CNGB3: variants seen among roughly 807,000 people sequenced by gnomAD.
CNGB3 encodes the protein cyclic nucleotide-gated channel beta-3.
Under a neutral mutation model 92.8 loss-of-function variants are expected in CNGB3, and 86 were observed. The observed-to-expected ratio is 0.93, with a 90% CI of 0.78 to 1.11. The LOEUF (loss-of-function observed/expected upper bound fraction) is 1.11, where lower values mean the gene tolerates loss of function less well. Ranked by LOEUF, CNGB3 falls within the 50% of genes least tolerant of loss-of-function variation. The pLI is 0.00. For synonymous variants in CNGB3, 333 were observed against 332.7 expected (o/e 1.00, Z -0.01); for missense variants, 1,026 against 956.8 (o/e 1.07, Z -0.95).
chr8:86,737,128 T>C lies in CNGB3; in HGVS notation c.211+2527A>G, dbSNP rs568365106. On this transcript the variant is annotated intron_variant, in intron 2 of 17. Coordinates refer to ENST00000320005, the MANE Select transcript of CNGB3 (RefSeq NM_019098.5). The stretch of plus-strand genomic sequence containing the variant: ...GATAGTGGCAAAAACACCTGGTCTG[T>C]GTAAGAACAAGTATCCTCTACATTC... Among the ~76,000 whole-genome samples, 3 of 152,288 alleles carry C rather than the reference T, an allele frequency of 2.0e-5. No homozygotes were observed. In the East Asian group the frequency reaches 5.8e-4, roughly 29 times the overall value.
chr8:86,713,689 A>T lies in CNGB3; in HGVS notation c.338+12842T>A, dbSNP rs371706602. 9.9e-5 allele frequency among the ~76,000 whole-genome samples: 15 copies of T among 152,284 alleles called. 1 individual carries two copies. The highest frequency in any genetic ancestry group is 5.9e-4 in the Admixed American group (9 of 15,288). On this transcript the variant is annotated intron_variant, in intron 3 of 17. Coordinates refer to ENST00000320005, the MANE Select transcript of CNGB3 (RefSeq NM_019098.5). ...GATCTTACAATATTAAAACTATATA[A>T]GTTTAGTATTTGGAGGTTAAAAATT...
intron 3 of CNGB3, among the ~76,000 whole-genome samples, chr8:86,688,731 T>G (rs1824237986): frequency 6.6e-6 from 1 of 151,986 alleles, no homozygotes; most frequent in African/African-American, 2.4e-5. Flanking sequence ...AAAGGTTTGT[T>G]GATTTTGTTT....
intron 10 of CNGB3, among the ~76,000 whole-genome samples, chr8:86,640,580 C>T (rs181789185): frequency 6.6e-5 from 10 of 152,126 alleles, no homozygotes; most frequent in Non-Finnish European, 1.0e-4. Flanking sequence ...CCCTTTTCTG[C>T]CTATGAAGCC....
At chr8:86,649,402 T>C (rs1290689293) in intron 7 of CNGB3, among the ~76,000 whole-genome samples, 1 of 151,226 alleles carries the variant, frequency 6.6e-6, no homozygotes, top group Non-Finnish European at 1.5e-5. Flanking sequence ...GGCATTACAC[T>C]ACCAGACTTA....
chr8:86,714,474 G>A (rs1824809498), intron 3 of CNGB3, among the ~76,000 whole-genome samples: 1 of 152,114 alleles, frequency 6.6e-6, no homozygotes, highest in Admixed American at 6.6e-5. Context: ...AAATATGTTA[G>A]CAATAATGAT....
rs1201071511 is a variant in CNGB3, at chr8:86,733,690, G to A, written c.211+5965C>T. On this transcript the variant is annotated intron_variant, in intron 2 of 17. Coordinates refer to ENST00000320005, the MANE Select transcript of CNGB3 (RefSeq NM_019098.5). Reference sequence around the variant, plus strand: ...CAATCAAACTGGTTGGTCGTACACGGTAAAGTCTTTACTGCTTTTTGTAAA... The same window carrying A: ...CAATCAAACTGGTTGGTCGTACACGATAAAGTCTTTACTGCTTTTTGTAAA... Among the ~76,000 whole-genome samples the A allele has an allele frequency of 3.3e-5, 5 of 152,254 alleles. No individual in the cohort carries two copies. The East Asian group carries it at 7.7e-4, about 23-fold the overall frequency.
chr8:86,643,172 T>G (rs1823224663), intron 10 of CNGB3, among the ~76,000 whole-genome samples: 2 of 151,436 alleles, frequency 1.3e-5, no homozygotes, highest in Non-Finnish European at 3.0e-5. Context: ...CTCTATCTTC[T>G]TTCATTTAAA....
At chr8:86,597,440 T>A (rs1822196366) in intron 15 of CNGB3, among the ~76,000 whole-genome samples, 1 of 152,160 alleles carries the variant, frequency 6.6e-6, no homozygotes, top group African/African-American at 2.4e-5. Context: ...AATGCACTAA[T>A]GCATGTATAG....
At chr8:86,622,309 A>G (rs1476928299) in intron 13 of CNGB3, among the ~76,000 whole-genome samples, 1 of 151,158 alleles carries the variant, frequency 6.6e-6, no homozygotes, top group Non-Finnish European at 1.5e-5. Context: ...CTGCCCTTGA[A>G]TTTATTTATT....
rs562524147 is a variant in CNGB3 at position 86,662,876 on chromosome 8, T to C, written c.852+4049A>G. On this transcript the variant is annotated intron_variant, in intron 6 of 17. Coordinates refer to ENST00000320005, the MANE Select transcript of CNGB3 (RefSeq NM_019098.5). Reference sequence around the variant, plus strand: ...ATGGCCATGGGAGAGCCAAGGACCCTGTCTTTAGCTGAACTAAGGAAAAGT... The same window carrying C: ...ATGGCCATGGGAGAGCCAAGGACCCCGTCTTTAGCTGAACTAAGGAAAAGT... Among the ~76,000 whole-genome samples, 27 of 152,300 alleles carry C rather than the reference T, an allele frequency of 1.8e-4. No homozygotes were observed. In the South Asian group the frequency reaches 4.3e-3, roughly 25 times the overall value.
At chr8:86,621,518 G>A (rs1822726050) in intron 13 of CNGB3, among the ~76,000 whole-genome samples, 1 of 151,654 alleles carries the variant, frequency 6.6e-6, no homozygotes, top group South Asian at 2.1e-4. Context: ...GTGGTTTTTG[G>A]TTACACAGAT....
At chr8:86,726,411 G>A in intron 3 of CNGB3, 120 bp downstream of exon 3, 3 of 1,356,362 alleles carry the variant, frequency 2.2e-6, no homozygotes, top group Non-Finnish European at 3.2e-6. Flanking sequence ...TTTGTGTTAT[G>A]TGACTATTGA....
At chr8:86,712,866 C>T (rs920393664) in intron 3 of CNGB3, among the ~76,000 whole-genome samples, 12 of 150,766 alleles carry the variant, frequency 8.0e-5, no homozygotes, top group Non-Finnish European at 1.8e-4. Flanking sequence ...GCTAGGATTA[C>T]AGGCATGTGA....
At position 86,603,339 on chromosome 8, in the gene CNGB3, C is replaced by T. The variant is rs142348362; in HGVS notation, c.1781+754G>A. 5.3e-5 allele frequency among the ~76,000 whole-genome samples: 8 copies of T among 152,246 alleles called. No homozygotes were observed. The East Asian group carries it at 1.4e-3, about 26-fold the overall frequency. ...ACCTGACAATCTAGCACGTACCAGG[C>T]ACTCCATAAATATTTTTTGGTTGAA... On this transcript the variant is annotated intron_variant, in intron 15 of 17. Coordinates refer to ENST00000320005, the MANE Select transcript of CNGB3 (RefSeq NM_019098.5).
intron 12 of CNGB3, 25 bp downstream of exon 12, chr8:86,628,894 T>G: frequency 1.2e-6 from 2 of 1,612,942 alleles, no homozygotes; most frequent in Non-Finnish European, 8.5e-7. Context: ...TTACAGGAAT[T>G]TAATCGGTAA....
intron 2 of CNGB3, among the ~76,000 whole-genome samples, chr8:86,733,182 G>A (rs537686571): frequency 2.0e-5 from 3 of 152,100 alleles, no homozygotes; most frequent in African/African-American, 7.2e-5. Context: ...TTATAAGTGA[G>A]AACATGTGGT....
intron 6 of CNGB3, among the ~76,000 whole-genome samples, chr8:86,654,583 T>G (rs1823467543): frequency 6.6e-6 from 1 of 152,214 alleles, no homozygotes; most frequent in South Asian, 2.1e-4. Context: ...TAAATTTAAC[T>G]AGTGCCTAGA....
Position 86,726,525 on chromosome 8 carries a change from G to T in CNGB3, c.338+6C>A, listed in dbSNP as rs756625865. The T allele has an allele frequency of 1.9e-6, 3 of 1,613,496 alleles. No individual in the cohort carries two copies. The highest frequency in any genetic ancestry group is 1.1e-5 in the South Asian group (1 of 91,080). ...AAATATGTTGTGTGTTTTATTAAAT[G>T]CTCACCTGTTTGGACCTTCTTTCCC... On this transcript the variant is annotated splice_donor_region_variant and intron_variant, in intron 3 of 17. Coordinates refer to ENST00000320005, the MANE Select transcript of CNGB3 (RefSeq NM_019098.5).
At chr8:86,659,176 G>A (rs1042316674) in intron 6 of CNGB3, 10 of 711,500 alleles carry the variant, frequency 1.4e-5, no homozygotes, top group African/African-American at 1.1e-4. Context: ...CTCAATGTGT[G>A]CACCTGCTCT....
Sources: allele counts gnomAD v4.1 joint callset (sites outside exome capture counted in the v4.1 genomes callset), GRCh38; gene constraint gnomAD v4.1.1; transcripts MANE v1.5; gene names NCBI Gene and HGNC (gene_info 2026-07-23, HGNC 2026-07-21).